The following ATG7 variants were observed in gnomAD, a reference collection of about 807,000 sequenced individuals.
ATG7 encodes autophagy related 7, also known as ubiquitin-like modifier-activating enzyme ATG7.
A neutral mutation model predicts 82.4 loss-of-function variants in ATG7; 70 were observed. That is an observed-to-expected ratio of 0.85 (90% confidence interval 0.70 to 1.04). The LOEUF (loss-of-function observed/expected upper bound fraction) is 1.04. Ranked by LOEUF, ATG7 falls within the 50% of genes least tolerant of loss-of-function variation. ATG7 has a pLI of 0.00. For missense variants in ATG7, 792 were observed against 864.3 expected (o/e 0.92, Z 1.05); for synonymous variants, 287 against 313.0 (o/e 0.92, Z 0.88).
At chr3:11,290,873 C>A (rs1016817626) in intron 3 of ATG7, among the ~76,000 whole-genome samples, 5 of 151,910 alleles carry the variant, frequency 3.3e-5, no homozygotes, top group African/African-American at 1.2e-4. Context: ...TTAGTGGAGA[C>A]GGGGTTTCGC....
intron 19 of ATG7, among the ~76,000 whole-genome samples, chr3:11,385,814 G>A (rs1285038260): frequency 6.6e-6 from 1 of 152,180 alleles, no homozygotes; most frequent in Non-Finnish European, 1.5e-5. Flanking sequence ...ACAAAACATG[G>A]CAGTTATGAA....
At chr3:11,411,019 C>G (rs901486970) in intron 19 of ATG7, among the ~76,000 whole-genome samples, 3 of 152,130 alleles carry the variant, frequency 2.0e-5, no homozygotes, top group African/African-American at 7.2e-5. Context: ...AACTGCCATG[C>G]TATTTTTTAT....
intron 20 of ATG7, among the ~76,000 whole-genome samples, chr3:11,525,501 A>T (rs2092555932): frequency 3.6e-5 from 4 of 112,634 alleles, no homozygotes; most frequent in Non-Finnish European, 3.6e-5. Flanking sequence ...ACAGATGCTC[A>T]TTTGTTTGTT....
chr3:11,287,429 G>A (rs77548310), intron 3 of ATG7, among the ~76,000 whole-genome samples: 1 of 152,322 alleles, frequency 6.6e-6, no homozygotes, highest in African/African-American at 2.4e-5. Flanking sequence ...GTGAGTTCTA[G>A]GCCATGGGGG....
At chr3:11,314,932 T>C (rs1248232321) in intron 8 of ATG7, among the ~76,000 whole-genome samples, 5 of 151,994 alleles carry the variant, frequency 3.3e-5, no homozygotes, top group African/African-American at 4.8e-5. Flanking sequence ...CAAAAAGTAG[T>C]AAATGGGTGA....
intron 20 of ATG7, among the ~76,000 whole-genome samples, chr3:11,467,159 G>A (rs891991515): frequency 2.0e-5 from 3 of 151,826 alleles, no homozygotes; most frequent in African/African-American, 7.3e-5. Flanking sequence ...AAAACTGATG[G>A]CTTCTTAACC....
intron 9 of ATG7, among the ~76,000 whole-genome samples, chr3:11,326,715 A>C (rs1950935301): frequency 6.6e-6 from 1 of 152,224 alleles, no homozygotes; most frequent in Non-Finnish European, 1.5e-5. Flanking sequence ...GGAGCAAAAT[A>C]AAAAGATGTC....
chr3:11,563,503 A>G, the ATG7 span, among the ~76,000 whole-genome samples: 32 of 152,264 alleles, frequency 2.1e-4, no homozygotes, highest in South Asian at 5.4e-3. Context: ...TTCCCCAATT[A>G]GACTGGGAGC....
chr3:11,494,142 C>T (rs754181617), intron 20 of ATG7, among the ~76,000 whole-genome samples: 10 of 152,146 alleles, frequency 6.6e-5, no homozygotes, highest in African/African-American at 1.9e-4. Flanking sequence ...TTTAATCAGG[C>T]GCTGCAGCAG....
chr3:11,385,462 C>A (rs572632027), intron 19 of ATG7, among the ~76,000 whole-genome samples: 1 of 152,212 alleles, frequency 6.6e-6, no homozygotes. Flanking sequence ...AGCAGACATT[C>A]ATTTAATTCA....
At chr3:11,569,732 G>A in the ATG7 span, among the ~76,000 whole-genome samples, 1 of 152,206 alleles carries the variant, frequency 6.6e-6, no homozygotes, top group South Asian at 2.1e-4. Flanking sequence ...TAATGAGACT[G>A]CTGGCTGGGC....
chr3:11,452,980 G>T (rs2085342864), intron 20 of ATG7, among the ~76,000 whole-genome samples: 2 of 152,154 alleles, frequency 1.3e-5, no homozygotes, highest in Non-Finnish European at 2.9e-5. Context: ...GCAGTCCATT[G>T]GGCCCAATTA....
At chr3:11,421,791 A>G (rs1362288162) in intron 19 of ATG7, among the ~76,000 whole-genome samples, 2 of 152,230 alleles carry the variant, frequency 1.3e-5, no homozygotes, top group African/African-American at 4.8e-5. Context: ...TTAAATAATA[A>G]GACTTGGAAG....
intron 6 of ATG7, among the ~76,000 whole-genome samples, chr3:11,307,454 G>A (rs867806332): frequency 5.3e-5 from 8 of 152,308 alleles, no homozygotes; most frequent in Middle Eastern, 3.4e-3. Context: ...GCACCATGGC[G>A]GTAGAGGAGA....
chr3:11,572,621 G>C, the ATG7 span, among the ~76,000 whole-genome samples: 1 of 152,090 alleles, frequency 6.6e-6, no homozygotes, highest in East Asian at 1.9e-4. Context: ...TGCCACACGT[G>C]GATGTGTCCG....
the ATG7 span, among the ~76,000 whole-genome samples, chr3:11,563,340 G>C: frequency 6.6e-6 from 1 of 152,254 alleles, no homozygotes; most frequent in Admixed American, 6.5e-5. Flanking sequence ...GCTCATGGCA[G>C]CATTACAATG....
intron 3 of ATG7, among the ~76,000 whole-genome samples, chr3:11,284,651 A>G (rs938857613): frequency 6.6e-6 from 1 of 151,858 alleles, no homozygotes; most frequent in Non-Finnish European, 1.5e-5. Context: ...GCCTGGGCTC[A>G]GGCGATCCTC....
chr3:11,330,252 G>A (rs946678382), intron 9 of ATG7, among the ~76,000 whole-genome samples: 10 of 152,144 alleles, frequency 6.6e-5, no homozygotes, highest in African/African-American at 2.2e-4. Flanking sequence ...TTAAGGAGGG[G>A]AAGGTTTAAA....
chr3:11,481,154 C>A (rs74883573), intron 20 of ATG7, among the ~76,000 whole-genome samples: 1,713 of 152,298 alleles, frequency 0.011, 31 homozygotes, highest in African/African-American at 0.039. Flanking sequence ...TGTGTAAGCA[C>A]CTACTGTTGA....
Sources: allele counts gnomAD v4.1 joint callset (sites outside exome capture counted in the v4.1 genomes callset), GRCh38; gene constraint gnomAD v4.1.1; transcripts MANE v1.5; gene names NCBI Gene and HGNC (gene_info 2026-07-23, HGNC 2026-07-21).